The following GBE1 variants were observed in gnomAD, a reference collection of about 807,000 sequenced individuals.
GBE1 encodes 1,4-alpha-glucan-branching enzyme.
Under a neutral mutation model 88.8 loss-of-function variants are expected in GBE1, and 70 were observed. The observed-to-expected ratio is 0.79, with a 90% CI of 0.65 to 0.96. The LOEUF is 0.96. Among genes scored for constraint, GBE1 ranks in the 40% least tolerant of loss-of-function variants. The probability of loss-of-function intolerance (pLI) is 0.00; values close to 1 mark genes in which losing one functional copy is unlikely to be tolerated. For missense variants in GBE1, 872 were observed against 871.0 expected, an observed-to-expected ratio of 1.00 and a Z score of -0.01; for synonymous variants, 284 against 300.1, an observed-to-expected ratio of 0.95 and a Z score of 0.56.
intron 7 of GBE1, among the ~76,000 whole-genome samples, chr3:81,598,397 A>G (rs975242103): frequency 7.6e-4 from 5 of 6,554 alleles, no homozygotes; most frequent in Non-Finnish European, 1.2e-3. Flanking sequence ...AGAAAGGTAT[A>G]GAATGCCAAA....
intron 2 of GBE1, among the ~76,000 whole-genome samples, chr3:81,698,746 T>C (rs1705641392): frequency 6.6e-6 from 1 of 152,186 alleles, no homozygotes; most frequent in Non-Finnish European, 1.5e-5. Context: ...TATAGTCTAC[T>C]ACCTGTGCTC....
At chr3:81,573,852 T>G (rs771617782) in intron 12 of GBE1, among the ~76,000 whole-genome samples, 10 of 152,058 alleles carry the variant, frequency 6.6e-5, no homozygotes, top group Non-Finnish European at 1.3e-4. Flanking sequence ...TGATGCTCTA[T>G]CTGATGCATA....
intron 2 of GBE1, among the ~76,000 whole-genome samples, chr3:81,680,998 A>G (rs564322498): frequency 6.6e-6 from 1 of 152,158 alleles, no homozygotes; most frequent in Admixed American, 6.5e-5. Context: ...GCCCAAATCC[A>G]CTCAGATACT....
At chr3:81,513,359 A>G (rs1208851832) in intron 14 of GBE1, among the ~76,000 whole-genome samples, 2 of 151,730 alleles carry the variant, frequency 1.3e-5, no homozygotes, top group African/African-American at 4.8e-5. Flanking sequence ...TTTCAATTCC[A>G]GTACTGCGAA....
chr3:81,531,915 C>T (rs1466740701), intron 14 of GBE1, among the ~76,000 whole-genome samples: 1 of 151,944 alleles, frequency 6.6e-6, no homozygotes, highest in Non-Finnish European at 1.5e-5. Flanking sequence ...AGAAAATATC[C>T]CTCTGCCTAG....
chr3:81,746,712 C>T (rs1042880595), intron 1 of GBE1, among the ~76,000 whole-genome samples: 7 of 151,960 alleles, frequency 4.6e-5, no homozygotes, highest in African/African-American at 7.3e-5. Flanking sequence ...TAATGTGACA[C>T]GACAGAAAAA....
intron 7 of GBE1, among the ~76,000 whole-genome samples, chr3:81,617,828 A>T (rs1434640227): frequency 6.6e-6 from 1 of 151,798 alleles, no homozygotes; most frequent in East Asian, 1.9e-4. Flanking sequence ...AAAATTGCCC[A>T]TTGAAAACAC....
rs531416333 is a variant in GBE1 at position 81,560,749 on chromosome 3, C to T, written c.1618+17176G>A. Among the ~76,000 whole-genome samples, 8 of 151,980 alleles carry T rather than the reference C, an allele frequency of 5.3e-5. No individual in the cohort carries two copies. The South Asian group carries it at 8.3e-4, about 16-fold the overall frequency. ...AGTCTATCAGATAATTGTGTGCAAA[C>T]GAAGTTGAAAAGCTGTTTCTGGGTT... On this transcript the variant is annotated intron_variant, in intron 12 of 15. Coordinates refer to ENST00000429644, the MANE Select transcript of GBE1 (RefSeq NM_000158.4).
intron 1 of GBE1, among the ~76,000 whole-genome samples, chr3:81,758,393 C>T (rs545547612): frequency 6.6e-6 from 1 of 152,334 alleles, no homozygotes; most frequent in Admixed American, 6.5e-5. Context: ...AACGTATCAG[C>T]AGAATGGACT....
Position 81,581,255 on chromosome 3 carries a change from A to G in GBE1, c.1356T>C (p.Asp452=), listed in dbSNP as rs1703726578. 1 of 1,590,784 alleles carries G rather than the reference A, an allele frequency of 6.3e-7. No individual in the cohort carries two copies. Among genetic ancestry groups the G allele is most frequent in the Admixed American group, 1.8e-5 (1 of 55,420 alleles). Residue 452 remains aspartate (D), a synonymous_variant, in exon 11 of 16, where the codon GAT becomes GAC. Coordinates refer to ENST00000429644, the MANE Select transcript of GBE1 (RefSeq NM_000158.4). ...KWIQLLKEFK[D]EDWNMGDIVY... ...CTATATCGCCCATGTTCCAGTCTTCATCTTTAAACTCTTTAAGTAGCTAGA... is the reference window on the plus strand; with the variant it reads ...CTATATCGCCCATGTTCCAGTCTTCGTCTTTAAACTCTTTAAGTAGCTAGA...
chr3:81,540,585 T>C (rs1250758769), intron 12 of GBE1, among the ~76,000 whole-genome samples: 2 of 152,090 alleles, frequency 1.3e-5, no homozygotes, highest in South Asian at 2.1e-4. Context: ...TTGGCTCTTG[T>C]TCATACAGGT....
chr3:81,628,340 C>T (rs1704448509), intron 7 of GBE1, among the ~76,000 whole-genome samples: 1 of 151,952 alleles, frequency 6.6e-6, no homozygotes, highest in East Asian at 1.9e-4. Flanking sequence ...AATATCATGG[C>T]CATGAAGGAG....
chr3:81,577,143 T>C (rs1255100208), intron 12 of GBE1, among the ~76,000 whole-genome samples: 1 of 151,834 alleles, frequency 6.6e-6, no homozygotes, highest in Non-Finnish European at 1.5e-5. Flanking sequence ...GGCTTTTCCA[T>C]ATTGTCCAGG....
chr3:81,596,175 T>A (rs1703954702), intron 7 of GBE1, among the ~76,000 whole-genome samples: 1 of 152,078 alleles, frequency 6.6e-6, no homozygotes, highest in Non-Finnish European at 1.5e-5. Flanking sequence ...TTTTATTTTT[T>A]AACCAAATAT....
intron 7 of GBE1, chr3:81,612,241 A>AAAG: frequency 1.9e-6 from 1 of 524,724 alleles, no homozygotes; most frequent in Non-Finnish European, 2.9e-6. Flanking sequence ...AAAAAAAAAA[A>AAAG]AACTTAAAGA....
chr3:81,568,336 C>T (rs1434695534), intron 12 of GBE1, among the ~76,000 whole-genome samples: 6 of 152,124 alleles, frequency 3.9e-5, no homozygotes, highest in East Asian at 1.9e-4. Context: ...TTAGTAGAGA[C>T]GGGGTTTCAT....
chr3:81,740,348 A>C (rs1706328968), intron 1 of GBE1, among the ~76,000 whole-genome samples: 1 of 152,090 alleles, frequency 6.6e-6, no homozygotes, highest in Non-Finnish European at 1.5e-5. Context: ...CAAGAAAATA[A>C]GATTTTCAGC....
intron 2 of GBE1, among the ~76,000 whole-genome samples, chr3:81,695,194 A>G (rs771614390): frequency 6.6e-6 from 1 of 152,208 alleles, no homozygotes; most frequent in Non-Finnish European, 1.5e-5. Flanking sequence ...AGCCTGTACT[A>G]CTTGACACAC....
At chr3:81,493,774 G>C (rs1182253251) in intron 15 of GBE1, among the ~76,000 whole-genome samples, 3 of 151,336 alleles carry the variant, frequency 2.0e-5, no homozygotes, top group Admixed American at 1.3e-4. Context: ...GACCTCAGCT[G>C]TTCTGCCTGC....
Sources: gnomAD v4.1 joint callset for allele counts (sites outside exome capture counted in the v4.1 genomes callset) on GRCh38, gnomAD v4.1.1 for gene constraint, MANE v1.5 for transcripts, NCBI Gene and HGNC (gene_info 2026-07-23, HGNC 2026-07-21) for gene names.